NME4: variants seen among roughly 807,000 people sequenced by gnomAD.
NME4 encodes nucleoside diphosphate kinase D, mitochondrial.
In NME4, 21 loss-of-function variants were observed where a neutral mutation model predicts 16.4. The ratio of observed to expected loss-of-function variants is 1.28; its 90% CI spans 0.91 to 1.84. NME4 has a LOEUF of 1.84. Ranked by LOEUF, NME4 falls within the 40% of genes most tolerant of loss-of-function variation. NME4 has a pLI of 0.00. For missense variants in NME4, 316 were observed against 261.3 expected, an observed-to-expected ratio of 1.21 and a Z score of -1.44; for synonymous variants, 132 against 107.5, an observed-to-expected ratio of 1.23 and a Z score of -1.41.
At position 399,635 on chromosome 16, in the gene NME4, A is replaced by C. The variant is rs1339809730; in HGVS notation, c.336A>C (p.Glu112Asp). The C allele has an allele frequency of 2.5e-6, 4 of 1,613,100 alleles. No homozygotes were observed. In the Admixed American group the frequency reaches 6.7e-5, roughly 27 times the overall value. ...SSGPVVAMVW[E>D]GYNVVRASRA... ...ATTATCTCTCGCTGCAGGTCTGGGA[A>C]GGGTACAATGTCGTCCGCGCCTCGA... Residue 112 changes from glutamate (E) to aspartate (D), a missense_variant, in exon 4 of 5, where the codon GAA (glutamate) becomes GAC (aspartate). Physicochemically the swap from Glu to Asp is conservative, Grantham distance 45. Transcript: ENST00000219479.
intron 1 of NME4, chr16:397,844 C>A (rs1290032586): frequency 1.2e-5 from 19 of 1,543,760 alleles, no homozygotes; most frequent in East Asian, 2.4e-5. Flanking sequence ...CCCGGCCCCC[C>A]CAGCTGCCAC....
intron 1 of NME4, chr16:398,301 C>G (rs1182258650): frequency 1.5e-6 from 2 of 1,347,792 alleles, no homozygotes; most frequent in East Asian, 9.1e-5. Flanking sequence ...AGCACAGGCC[C>G]CGTCTCCTGG....
chr16:399,783 G>C, intron 4 of NME4, 44 bp downstream of exon 4: 1 of 1,524,352 alleles, frequency 6.6e-7, no homozygotes, highest in Non-Finnish European at 9.1e-7. Flanking sequence ...GGGGCAAGGA[G>C]GGCCATCACT....
At chr16:399,344 T>C (rs1405408027) in intron 2 of NME4, 35 bp from the exon 3 acceptor site, 4 of 1,597,700 alleles carry the variant, frequency 2.5e-6, no homozygotes, top group African/African-American at 1.3e-5. Flanking sequence ...CCACGTTTAC[T>C]GTCTGCGGCT....
chr16:398,283 T>G (rs1464672581), intron 1 of NME4: 1 of 1,368,526 alleles, frequency 7.3e-7, no homozygotes, highest in South Asian at 1.2e-5. Context: ...GCCTTGAAAC[T>G]CCACAGCAGC....
intron 1 of NME4, among the ~76,000 whole-genome samples, chr16:397,545 C>T (rs925609061): frequency 3.3e-4 from 40 of 122,870 alleles, no homozygotes; most frequent in Non-Finnish European, 5.6e-4. Context: ...AGGCTGCAGG[C>T]GCCCGGCGAG....
intron 1 of NME4, chr16:398,047 C>T (rs151200957): frequency 5.3e-4 from 806 of 1,530,492 alleles, no homozygotes; most frequent in Middle Eastern, 3.4e-3. Context: ...GTTAACTTTT[C>T]CTCCTGGCCT....
rs371019819 is a variant in NME4 at position 399,680 on chromosome 16, C to T, written c.381C>T (p.Thr127=). 9 of 1,613,020 alleles carry T rather than the reference C, an allele frequency of 5.6e-6. No individual in the cohort carries two copies. The highest frequency in any genetic ancestry group is 4.5e-5 in the East Asian group (2 of 44,896). The change falls in exon 4 of 5, where the codon ACC becomes ACT. Residue 127 remains threonine, a synonymous_variant. Coordinates refer to ENST00000219479, the MANE Select transcript of NME4 (RefSeq NM_005009.3). ...CCTCGAGGGCCATGATTGGACACAC[C>T]GACTCGGCTGAGGCTGCCCCAGGAA... The part of the protein sequence containing the change: ...VRASRAMIGH[T]DSAEAAPGTI...
chr16:397,111 C>CG (rs1239340988), upstream of NME4: 31 of 55,332 alleles, frequency 5.6e-4, no homozygotes, highest in African/African-American at 6.7e-3. Context: ...TCCGGGGCGG[C>CG]GGGGGGCTCC....
rs1467252277 is a variant in NME4, at chr16:399,432, C to T, written c.279C>T (p.Phe93=). The T allele has an allele frequency of 6.2e-7, 1 of 1,613,036 alleles. No individual in the cohort carries two copies. Among genetic ancestry groups the T allele is most frequent in the Admixed American group, 1.7e-5 (1 of 60,006 alleles). ...EHYQDLRRKP[F]YPALIRYMSS... The stretch of plus-strand genomic sequence containing the variant: ...ACCAGGACCTGCGGAGGAAGCCCTT[C>T]TACCCTGCCCTCATCCGCTACATGA... Residue 93 remains phenylalanine, a synonymous_variant, in exon 3 of 5, where the codon TTC becomes TTT. Coordinates refer to ENST00000219479, the MANE Select transcript of NME4 (RefSeq NM_005009.3).
At position 399,722 on chromosome 16, in the gene NME4, C is replaced by A. The variant is rs1432888328; in HGVS notation, c.423C>A (p.Phe141Leu). 1 of 1,612,714 alleles carries A rather than the reference C, an allele frequency of 6.2e-7. No homozygotes were observed. The highest frequency in any genetic ancestry group is 1.3e-5 in the African/African-American group (1 of 74,922). ...CCCCAGGAACCATAAGGGGTGACTT[C>A]AGCGTCCACATCAGCAGGTACGGGG... Reference protein sequence around the residue: ...EAAPGTIRGDFSVHISRNVIH... With the variant: ...EAAPGTIRGDLSVHISRNVIH... Residue 141 changes from phenylalanine (F) to leucine (L), a missense_variant, in exon 4 of 5, where the codon TTC (phenylalanine) becomes TTA (leucine). Phe to Leu is a conservative substitution (Grantham distance 22, BLOSUM62 0). Transcript: ENST00000219479.
In NME4 at chr16:400,405, C is replaced by G. The variant is rs1005512039; in HGVS notation, c.*63C>G. ...GACCAACTACCTCCGTCAGCAAGAACCCAAGCCCACATCCAAACCTGCCTG... is the reference window on the plus strand; with the variant it reads ...GACCAACTACCTCCGTCAGCAAGAAGCCAAGCCCACATCCAAACCTGCCTG... On this transcript the variant is annotated 3_prime_UTR_variant, in exon 5 of 5. Coordinates refer to ENST00000219479, the MANE Select transcript of NME4 (RefSeq NM_005009.3). 1 of 1,558,528 alleles carries G rather than the reference C, an allele frequency of 6.4e-7. No homozygotes were observed. The highest frequency in any genetic ancestry group is 8.6e-7 in the Non-Finnish European group (1 of 1,163,498).
chr16:398,129 C>A (rs554180443), intron 1 of NME4: 1 of 1,532,874 alleles, frequency 6.5e-7, no homozygotes, highest in African/African-American at 1.4e-5. Flanking sequence ...AAACCAGGGA[C>A]CCGATGCCGG....
At chr16:400,151 G>GA (rs781673075) in intron 4 of NME4, 68 bp from the exon 5 acceptor site, 2 of 1,609,340 alleles carry the variant, frequency 1.2e-6, no homozygotes, top group South Asian at 2.2e-5. Context: ...GGGAGCAGCA[G>GA]ATGGTCCCTG....
Position 399,648 on chromosome 16 carries a change from G to T in NME4, c.349G>T (p.Val117Phe), listed in dbSNP as rs762616312. 1.7e-5 allele frequency: 27 copies of T among 1,613,060 alleles called. No individual in the cohort carries two copies. The highest frequency in any genetic ancestry group is 2.1e-5 in the Non-Finnish European group (25 of 1,179,938). Reference sequence around the variant, plus strand: ...GCAGGTCTGGGAAGGGTACAATGTCGTCCGCGCCTCGAGGGCCATGATTGG... The same window carrying T: ...GCAGGTCTGGGAAGGGTACAATGTCTTCCGCGCCTCGAGGGCCATGATTGG... ...VAMVWEGYNV[V>F]RASRAMIGHT... The change falls in exon 4 of 5, where the codon GTC becomes TTC. Residue 117 changes from valine (V) to phenylalanine (F), a missense_variant. Transcript: ENST00000219479.
At chr16:397,988 C>G in intron 1 of NME4, 1 of 1,542,794 alleles carries the variant, frequency 6.5e-7, no homozygotes, top group South Asian at 1.2e-5. Flanking sequence ...TTTGGGGGAA[C>G]AAACCAACCA....
chr16:397,385 G>A (rs2054564598), intron 1 of NME4, 72 bp downstream of exon 1: 5 of 561,912 alleles, frequency 8.9e-6, no homozygotes, highest in South Asian at 8.0e-5. Context: ...GCCTTTGTGC[G>A]CGCACGTGCG....
rs753914668 is a variant in NME4, at chr16:397,840, C to T, written c.91+527C>T. ...GTCCCCGGCCCCGCCGCTGCCCGGC[C>T]CCCCCAGCTGCCACCTCACAGGACG... is the stretch of plus-strand genomic sequence containing the variant. On this transcript the variant is annotated intron_variant, in intron 1 of 4. Coordinates refer to ENST00000219479, the MANE Select transcript of NME4 (RefSeq NM_005009.3). 7 of 1,543,878 alleles carry T rather than the reference C, an allele frequency of 4.5e-6. No individual in the cohort carries two copies. In the South Asian group the frequency reaches 4.8e-5, roughly 10 times the overall value.
At chr16:398,415 C>T in intron 1 of NME4, 2 of 1,214,810 alleles carry the variant, frequency 1.6e-6, no homozygotes, top group Non-Finnish European at 2.1e-6. Context: ...CCCTGGTTCC[C>T]TGCCACTCAT....
Sources: gnomAD v4.1 joint callset for allele counts (sites outside exome capture counted in the v4.1 genomes callset) on GRCh38, gnomAD v4.1.1 for gene constraint, MANE v1.5 for transcripts, NCBI Gene and HGNC (gene_info 2026-07-23, HGNC 2026-07-21) for gene names.